Variants in ENTREP2 observed in about 807,000 individuals in gnomAD.
ENTREP2 encodes the protein endosomal transmembrane epsin interactor 2, also known as protein ENTREP2.
At chr15:29,235,633 T>C in the ENTREP2 span, among the ~76,000 whole-genome samples, 5,598 of 152,200 alleles carry the variant, frequency 0.037, 381 homozygotes, top group African/African-American at 0.13. Flanking sequence ...CAAGGAAAGC[T>C]CTTAAAACAG....
chr15:29,231,885 C>CTT, the ENTREP2 span, among the ~76,000 whole-genome samples: 427 of 129,876 alleles, frequency 3.3e-3, 22 homozygotes, highest in African/African-American at 0.012. Flanking sequence ...GTTTTCTTTT[C>CTT]TTTTCTTTCT....
At chr15:29,645,131 T>C in the ENTREP2 span, among the ~76,000 whole-genome samples, 1 of 152,152 alleles carries the variant, frequency 6.6e-6, no homozygotes, top group African/African-American at 2.4e-5. Flanking sequence ...AGCAGGACAT[T>C]ATCAGAGAAT....
the ENTREP2 span, among the ~76,000 whole-genome samples, chr15:29,604,750 A>T: frequency 1.3e-5 from 2 of 152,218 alleles, no homozygotes; most frequent in African/African-American, 4.8e-5. Flanking sequence ...AAAATCTTTT[A>T]TTCCCTATGA....
chr15:29,385,286 T>C, the ENTREP2 span, among the ~76,000 whole-genome samples: 1 of 152,184 alleles, frequency 6.6e-6, no homozygotes, highest in African/African-American at 2.4e-5. Context: ...ATTGCTTTTA[T>C]CTTATTAAGC....
At chr15:29,196,193 G>A in the ENTREP2 span, among the ~76,000 whole-genome samples, 6 of 152,330 alleles carry the variant, frequency 3.9e-5, no homozygotes, top group African/African-American at 1.4e-4. Context: ...CGAATTTGCA[G>A]ATGTCAGAGG....
At chr15:29,426,396 C>T in the ENTREP2 span, among the ~76,000 whole-genome samples, 106 of 152,206 alleles carry the variant, frequency 7.0e-4, no homozygotes, top group Non-Finnish European at 1.1e-3. Flanking sequence ...TCTTGTTTAA[C>T]GCTTATCTTT....
At chr15:29,553,680 G>T in the ENTREP2 span, among the ~76,000 whole-genome samples, 1 of 152,178 alleles carries the variant, frequency 6.6e-6, no homozygotes, top group Non-Finnish European at 1.5e-5. Flanking sequence ...ACTAGCTCTG[G>T]GGGAAGCAGC....
the ENTREP2 span, among the ~76,000 whole-genome samples, chr15:29,318,752 C>T: frequency 2.6e-5 from 4 of 152,148 alleles, no homozygotes; most frequent in African/African-American, 4.8e-5. Context: ...TTGTGATAAC[C>T]GTCTTATTGC....
At chr15:29,307,030 G>A in the ENTREP2 span, among the ~76,000 whole-genome samples, 2 of 152,204 alleles carry the variant, frequency 1.3e-5, no homozygotes, top group South Asian at 2.1e-4. Context: ...TTACAGGAGT[G>A]AGCCACTGCA....
the ENTREP2 span, among the ~76,000 whole-genome samples, chr15:29,450,270 G>T: frequency 6.6e-6 from 1 of 152,056 alleles, no homozygotes; most frequent in Non-Finnish European, 1.5e-5. Context: ...GTCAATTTTT[G>T]CTTTTGGTGG....
At chr15:29,460,091 A>AT in the ENTREP2 span, among the ~76,000 whole-genome samples, 6 of 150,774 alleles carry the variant, frequency 4.0e-5, no homozygotes, top group South Asian at 2.1e-4. Context: ...AACAAAAAAC[A>AT]TTTTTTTTTT....
the ENTREP2 span, among the ~76,000 whole-genome samples, chr15:29,336,981 TCTC>T: frequency 6.6e-6 from 1 of 152,176 alleles, no homozygotes; most frequent in Admixed American, 6.5e-5. Flanking sequence ...ATCTTACAGA[TCTC>T]CTTCCCAGAT....
At chr15:29,329,322 C>A in the ENTREP2 span, among the ~76,000 whole-genome samples, 2 of 150,680 alleles carry the variant, frequency 1.3e-5, no homozygotes, top group African/African-American at 4.9e-5. Flanking sequence ...GCGATCGCAC[C>A]ACTGCACTCC....
At chr15:29,570,554 G>A in the ENTREP2 span, 1 of 1,469,154 alleles carries the variant, frequency 6.8e-7, no homozygotes. Context: ...GGCCGAGGTG[G>A]TGAGCGCCAG....
chr15:29,132,778 A>G, the ENTREP2 span, among the ~76,000 whole-genome samples: 1 of 152,182 alleles, frequency 6.6e-6, no homozygotes, highest in Non-Finnish European at 1.5e-5. Context: ...TCCAGAAGCT[A>G]CTTCCAGCAG....
the ENTREP2 span, among the ~76,000 whole-genome samples, chr15:29,146,379 TCACACGTC>T: frequency 1.3e-5 from 2 of 152,176 alleles, no homozygotes; most frequent in African/African-American, 4.8e-5. Context: ...ACTGGAGGGC[TCACACGTC>T]CACACGTCAA....
the ENTREP2 span, among the ~76,000 whole-genome samples, chr15:29,155,312 G>A: frequency 2.6e-5 from 4 of 151,624 alleles, no homozygotes; most frequent in South Asian, 4.2e-4. Context: ...AAGAAGAAGC[G>A]TTAGGCAGAA....
chr15:29,219,829 G>A, the ENTREP2 span, among the ~76,000 whole-genome samples: 1 of 151,270 alleles, frequency 6.6e-6, no homozygotes, highest in Non-Finnish European at 1.5e-5. Flanking sequence ...ATGCAAAGGT[G>A]TAAGAGTAAT....
At chr15:29,669,641 C>T in the ENTREP2 span, among the ~76,000 whole-genome samples, 1 of 152,184 alleles carries the variant, frequency 6.6e-6, no homozygotes, top group African/African-American at 2.4e-5. Flanking sequence ...GTCTGGTTCC[C>T]CAGGAGGCTC....
Sources: gnomAD v4.1 joint callset for allele counts (sites outside exome capture counted in the v4.1 genomes callset) on GRCh38, gnomAD v4.1.1 for gene constraint, MANE v1.5 for transcripts, NCBI Gene and HGNC (gene_info 2026-07-23, HGNC 2026-07-21) for gene names.